Variants in ACIN1 observed in about 807,000 individuals in gnomAD.
The protein encoded by ACIN1 is apoptotic chromatin condensation inducer in the nucleus.
A neutral mutation model predicts 146.6 loss-of-function variants in ACIN1; 16 were observed. The observed-to-expected ratio is 0.11, with a 90% CI of 0.07 to 0.17. ACIN1 has a LOEUF of 0.17. Among genes scored for constraint, ACIN1 ranks in the 10% least tolerant of loss-of-function variants. The pLI, the probability that ACIN1 is intolerant of heterozygous loss-of-function variation, is 1.00. For synonymous variants in ACIN1, 569 were observed against 582.7 expected, an observed-to-expected ratio of 0.98 and a Z score of 0.34; for missense variants, 1,357 against 1,609.3, an observed-to-expected ratio of 0.84 and a Z score of 2.68.
rs1389683596 is a variant in ACIN1 at position 23,079,610 on chromosome 14, T to C, written c.1725A>G (p.Ser575=). The change falls in exon 6 of 19, where the codon TCA becomes TCG. Residue 575 remains serine, a synonymous_variant. Coordinates refer to ENST00000605057, the MANE Select transcript of ACIN1 (RefSeq NM_001386863.1). ...PRGRPKMGSR[S]TSESRSRSRS... is the part of the protein sequence containing the mutation. ...GTGACCTTGATCTGGACTCTGATGT[T>C]GATCTGGAGCCCATCTTGGGTCTAC... is the stretch of plus-strand genomic sequence containing the variant. 6.2e-7 allele frequency: 1 copy of C among 1,614,090 alleles called. No homozygotes were observed. Among genetic ancestry groups the C allele is most frequent in the South Asian group, 1.1e-5 (1 of 91,086 alleles).
Position 23,078,925 on chromosome 14 carries a change from C to T in ACIN1, c.1902G>A (p.Glu634=), listed in dbSNP as rs2047870756. ...AGGAGGTGGAAGTCCTCTCCTTTGG[C>T]TCACAGACCTGCAGTTGTGGCACTG... ...TPPVPQLQVC[E]PKERTSTSSS... Residue 634 remains glutamate (E), a synonymous_variant, in exon 7 of 19, where the codon GAG becomes GAA. Transcript: ENST00000605057. 1 of 1,614,186 alleles carries T rather than the reference C, an allele frequency of 6.2e-7. No homozygotes were observed. The highest frequency in any genetic ancestry group is 2.2e-5 in the East Asian group (1 of 44,886).
chr14:23,078,393 G>A (rs184242291), intron 7 of ACIN1, 127 bp from the exon 8 acceptor site: 1 of 639,338 alleles, frequency 1.6e-6, no homozygotes, highest in Admixed American at 3.1e-5. Flanking sequence ...ACGGCCCTCT[G>A]TATCTGTTAT....
upstream of ACIN1, chr14:23,095,464 G>C (rs1165824594): frequency 2.2e-6 from 2 of 891,380 alleles, no homozygotes; most frequent in Non-Finnish European, 3.3e-6. Flanking sequence ...TGAGGCGCTG[G>C]GGCGCTTGGG....
chr14:23,091,765 A>G (rs1401216409), intron 2 of ACIN1, among the ~76,000 whole-genome samples: 1 of 152,000 alleles, frequency 6.6e-6, no homozygotes, highest in African/African-American at 2.4e-5. Flanking sequence ...CTGGGATTAC[A>G]GACATGTGCC....
intron 4 of ACIN1, among the ~76,000 whole-genome samples, chr14:23,088,358 G>C (rs1395965780): frequency 6.6e-6 from 1 of 152,138 alleles, no homozygotes; most frequent in Non-Finnish European, 1.5e-5. Context: ...CTTACTAAAA[G>C]ATTTCTAGAA....
intron 5 of ACIN1, among the ~76,000 whole-genome samples, chr14:23,081,269 A>ATCATG (rs1374704341): frequency 6.6e-6 from 1 of 152,002 alleles, no homozygotes; most frequent in Non-Finnish European, 1.5e-5. Flanking sequence ...TTAGTGTTAT[A>ATCATG]TAACTTTAAA....
intron 3 of ACIN1, among the ~76,000 whole-genome samples, 178 bp from the exon 4 acceptor site, chr14:23,090,279 C>T (rs151303703): frequency 1.3e-5 from 2 of 152,194 alleles, no homozygotes; most frequent in African/African-American, 4.8e-5. Context: ...TAAATGGTAG[C>T]TTAATTTACT....
rs1211751647 is a variant in ACIN1, at chr14:23,059,479, A to G, written c.3526-5T>C. Reference sequence around the variant, plus strand: ...CTCTGCCTCTTTCTGAACGATCTGTAGCCAGGTAGGAAAGGCAGAGAATAG... The same window carrying G: ...CTCTGCCTCTTTCTGAACGATCTGTGGCCAGGTAGGAAAGGCAGAGAATAG... On this transcript the variant is annotated splice_region_variant and splice_polypyrimidine_tract_variant and intron_variant, in intron 18 of 18. Transcript: ENST00000605057. The G allele has an allele frequency of 1.2e-6, 2 of 1,612,370 alleles. No homozygotes were observed. Among genetic ancestry groups the G allele is most frequent in the Admixed American group, 3.3e-5 (2 of 59,918 alleles).
At chr14:23,092,771 T>C (rs2140248176) in intron 2 of ACIN1, among the ~76,000 whole-genome samples, 1 of 152,302 alleles carries the variant, frequency 6.6e-6, no homozygotes, top group Middle Eastern at 3.4e-3. Flanking sequence ...ACTCAATAGT[T>C]AAAAAGTAGA....
intron 8 of ACIN1, among the ~76,000 whole-genome samples, chr14:23,073,673 AT>A (rs923127850): frequency 1.3e-5 from 2 of 152,052 alleles, no homozygotes; most frequent in Admixed American, 6.6e-5. Context: ...AAAGAAAAAA[AT>A]TTTTTTAATA....
intron 2 of ACIN1, among the ~76,000 whole-genome samples, chr14:23,091,194 C>G (rs1287698403): frequency 6.6e-6 from 1 of 152,062 alleles, no homozygotes; most frequent in Non-Finnish European, 1.5e-5. Context: ...TGTGAGCCAC[C>G]GTGCCCAGCC....
In ACIN1 at chr14:23,079,927, G is replaced by A. The variant is rs541061890; in HGVS notation, c.1408C>T (p.Pro470Ser). 6.5e-5 allele frequency: 105 copies of A among 1,614,120 alleles called. 3 individuals carry two copies. The South Asian group carries it at 1.1e-3, about 17-fold the overall frequency. The stretch of plus-strand genomic sequence containing the variant: ...AATTCCTCAATTTTTAGAGGGAGGG[G>A]CTGAGCAGATCTGTCTGACTCAGGT... The part of the protein sequence containing the change: ...LEPESDRSAQ[P>S]LPLKIEELAL... The change falls in exon 6 of 19, where the codon CCC becomes TCC. Residue 470 changes from proline (P) to serine (S), a missense_variant. Coordinates refer to ENST00000605057, the MANE Select transcript of ACIN1 (RefSeq NM_001386863.1).
intron 16 of ACIN1, 111 bp downstream of exon 16, chr14:23,062,057 A>T (rs2047308708): frequency 1.2e-6 from 1 of 861,032 alleles, no homozygotes; most frequent in Admixed American, 2.3e-5. Flanking sequence ...AGGGAAGAAG[A>T]GAAAAGAACA....
chr14:23,082,729 GC>G (rs2047978951), intron 4 of ACIN1, among the ~76,000 whole-genome samples: 1 of 151,694 alleles, frequency 6.6e-6, no homozygotes. Flanking sequence ...ACAGGCATGA[GC>G]TCACATGTTT....
chr14:23,083,298 G>A (rs918361059), intron 4 of ACIN1, among the ~76,000 whole-genome samples: 1 of 151,838 alleles, frequency 6.6e-6, no homozygotes, highest in Admixed American at 6.6e-5. Context: ...TCAGCCTCCA[G>A]GGCTCAAGTA....
intron 5 of ACIN1, 34 bp downstream of exon 5, chr14:23,081,714 G>GT: frequency 6.8e-7 from 1 of 1,476,636 alleles, no homozygotes. Flanking sequence ...AAGCATTACT[G>GT]AAGAGGTAAT....
chr14:23,082,832 C>A (rs1016798447), intron 4 of ACIN1, among the ~76,000 whole-genome samples: 2 of 151,712 alleles, frequency 1.3e-5, no homozygotes, highest in Non-Finnish European at 1.5e-5. Flanking sequence ...CTCCGCCTCC[C>A]AGGTTCAAGC....
In ACIN1 at chr14:23,068,497, G is replaced by A; in HGVS notation, c.2265+979C>T. 1.0e-6 allele frequency: 1 copy of A among 985,896 alleles called. No individual in the cohort carries two copies. The highest frequency in any genetic ancestry group is 1.2e-6 in the Non-Finnish European group (1 of 829,960). 61.1% of individuals were successfully genotyped at this position (985,896 alleles called of 1,614,324 possible). A position where few individuals can be genotyped will look rare whatever the true frequency, so the allele number is the denominator to read the frequency against. ...AAGCAAGACAGGGAGGCAAAAGGGG[G>A]CCCATCACAGGAGCCCATATACATG... On this transcript the variant is annotated intron_variant, in intron 9 of 18. Transcript: ENST00000605057. This position sits in a 1 kb window ranked among gnomAD's most constrained non-coding sequence, Gnocchi z 4.3.
chr14:23,065,969 C>G lies in ACIN1; in HGVS notation c.2305G>C (p.Val769Leu), dbSNP rs763683387. Residue 769 changes from valine to leucine, a missense_variant, in exon 10 of 19, where the codon GTC (valine) becomes CTC (leucine). Transcript: ENST00000605057. ...AGGGATTTGGGGCTGGACTTACAGACAACGGAGATCTTCCTCTTGAATGAT... is the reference window on the plus strand; with the variant it reads ...AGGGATTTGGGGCTGGACTTACAGAGAACGGAGATCTTCCTCTTGAATGAT... ...PKSFKRKISVVSATKGVPAGN... is the reference protein window; with the variant it reads ...PKSFKRKISVLSATKGVPAGN... The G allele has an allele frequency of 2.5e-6, 4 of 1,613,360 alleles. No individual in the cohort carries two copies. In the South Asian group the frequency reaches 4.4e-5, roughly 18 times the overall value.
Sources: gnomAD v4.1 joint callset for allele counts (sites outside exome capture counted in the v4.1 genomes callset) on GRCh38, gnomAD v4.1.1 for gene constraint, Gnocchi (gnomAD v3.1) non-coding constraint, MANE v1.5 for transcripts, NCBI Gene and HGNC (gene_info 2026-07-23, HGNC 2026-07-21) for gene names.